Variants in MACROD2 observed in about 807,000 individuals in gnomAD.
MACROD2 encodes the protein mono-ADP ribosylhydrolase 2.
Under a neutral mutation model 70.4 loss-of-function variants are expected in MACROD2, and 36 were observed. That is an observed-to-expected ratio of 0.51 (90% CI 0.39 to 0.68). The LOEUF (loss-of-function observed/expected upper bound fraction) is 0.68, where lower values mean the gene tolerates loss of function less well. MACROD2 is among the 30% of genes least tolerant of loss of function. The probability of loss-of-function intolerance (pLI) is 0.00; values close to 1 mark genes in which losing one functional copy is unlikely to be tolerated. For synonymous variants in MACROD2, 172 were observed against 178.8 expected (o/e 0.96, Z 0.30); for missense variants, 496 against 538.4 (o/e 0.92, Z 0.78).
chr20:14,205,813 T>C (rs1193367311), intron 3 of MACROD2, among the ~76,000 whole-genome samples: 2 of 152,220 alleles, frequency 1.3e-5, no homozygotes, highest in Non-Finnish European at 2.9e-5. Context: ...TTTGAATGGC[T>C]TGCCTCTCTG....
chr20:15,963,994 T>G (rs2066102104), intron 12 of MACROD2, among the ~76,000 whole-genome samples: 1 of 152,210 alleles, frequency 6.6e-6, no homozygotes, highest in African/African-American at 2.4e-5. Context: ...AGTCAGAAGC[T>G]ACATATAAAT....
At chr20:15,717,687 C>T (rs573230895) in intron 8 of MACROD2, among the ~76,000 whole-genome samples, 52 of 152,132 alleles carry the variant, frequency 3.4e-4, no homozygotes, top group Non-Finnish European at 3.2e-4. Flanking sequence ...GAAAGGGTGA[C>T]GTGGATTGTC....
At chr20:16,044,780 T>A in intron 17 of MACROD2, 141 bp downstream of exon 17, 1 of 713,580 alleles carries the variant, frequency 1.4e-6, no homozygotes, top group Non-Finnish European at 2.4e-6. Context: ...TTAAACCAAA[T>A]AACACAGCGT....
intron 5 of MACROD2, among the ~76,000 whole-genome samples, chr20:14,933,590 A>G (rs1170976549): frequency 1.3e-5 from 2 of 151,918 alleles, no homozygotes; most frequent in Admixed American, 6.6e-5. Flanking sequence ...TGATCATGCC[A>G]CTGCACTCCC....
intron 8 of MACROD2, among the ~76,000 whole-genome samples, chr20:15,831,493 G>C (rs774710058): frequency 6.6e-6 from 1 of 152,170 alleles, no homozygotes; most frequent in African/African-American, 2.4e-5. Context: ...GATGTATGCA[G>C]AATGTCTTTG....
intron 11 of MACROD2, among the ~76,000 whole-genome samples, chr20:15,934,492 C>T (rs2065627648): frequency 6.6e-6 from 1 of 151,940 alleles, no homozygotes; most frequent in South Asian, 2.1e-4. Flanking sequence ...GTTATCCAAC[C>T]CTCCCCCACC....
At chr20:15,516,470 G>A (rs543267431) in intron 8 of MACROD2, among the ~76,000 whole-genome samples, 1 of 152,284 alleles carries the variant, frequency 6.6e-6, no homozygotes, top group East Asian at 1.9e-4. Context: ...CTTACGGTCT[G>A]TTGGAGAAAA....
At chr20:15,159,442 CTA>C (rs1403873101) in intron 5 of MACROD2, among the ~76,000 whole-genome samples, 6 of 152,114 alleles carry the variant, frequency 3.9e-5, no homozygotes, top group African/African-American at 1.2e-4. Context: ...ATATGCAACT[CTA>C]TATGTTGATG....
intron 5 of MACROD2, among the ~76,000 whole-genome samples, chr20:15,080,583 G>A (rs765616241): frequency 1.3e-5 from 2 of 151,462 alleles, no homozygotes; most frequent in South Asian, 2.1e-4. Context: ...CTGTATCTTC[G>A]CTTAATGTCT....
At chr20:14,836,514 C>G (rs1007752747) in intron 5 of MACROD2, among the ~76,000 whole-genome samples, 9 of 152,036 alleles carry the variant, frequency 5.9e-5, no homozygotes, top group African/African-American at 2.2e-4. Flanking sequence ...ATGAAGGGCT[C>G]TGCATATGAT....
intron 8 of MACROD2, among the ~76,000 whole-genome samples, chr20:15,584,885 C>A (rs936967470): frequency 2.5e-4 from 38 of 152,342 alleles, no homozygotes; most frequent in Non-Finnish European, 1.9e-4. Flanking sequence ...CCTGTCCATG[C>A]CAGTGACTAT....
intron 7 of MACROD2, among the ~76,000 whole-genome samples, chr20:15,485,598 G>A (rs757487257): frequency 1.3e-5 from 2 of 152,084 alleles, no homozygotes; most frequent in South Asian, 2.1e-4. Flanking sequence ...TTATTAAGAC[G>A]AACAATGATG....
chr20:14,620,784 A>C (rs1302046175), intron 4 of MACROD2, among the ~76,000 whole-genome samples: 1 of 152,194 alleles, frequency 6.6e-6, no homozygotes, highest in East Asian at 1.9e-4. Flanking sequence ...ATCGGAGAGC[A>C]CATGATTTTC....
chr20:14,105,252 G>A (rs2054353871), intron 3 of MACROD2, among the ~76,000 whole-genome samples: 1 of 152,160 alleles, frequency 6.6e-6, no homozygotes, highest in Non-Finnish European at 1.5e-5. Flanking sequence ...GCACTGACGA[G>A]GGTAGGAAAG....
intron 5 of MACROD2, among the ~76,000 whole-genome samples, chr20:14,685,589 A>G (rs1031231729): frequency 2.0e-5 from 3 of 152,198 alleles, no homozygotes; most frequent in Non-Finnish European, 4.4e-5. Context: ...GATTCAACCA[A>G]CTGGGTGGCA....
At chr20:14,625,220 G>A (rs1359275149) in intron 4 of MACROD2, among the ~76,000 whole-genome samples, 1 of 151,964 alleles carries the variant, frequency 6.6e-6, no homozygotes, top group Non-Finnish European at 1.5e-5. Flanking sequence ...CCAGCTACTC[G>A]AGAGGCTCAG....
intron 4 of MACROD2, among the ~76,000 whole-genome samples, chr20:14,668,680 C>A (rs534183278): frequency 6.6e-6 from 1 of 152,174 alleles, no homozygotes; most frequent in Non-Finnish European, 1.5e-5. Context: ...TTTAGTTATA[C>A]AAATCACATG....
intron 13 of MACROD2, among the ~76,000 whole-genome samples, chr20:15,986,182 T>C (rs186995893): frequency 1.5e-3 from 223 of 152,332 alleles, no homozygotes; most frequent in Middle Eastern, 6.8e-3. Context: ...CTTGTTTTTC[T>C]CTCAAAACAG....
At chr20:14,359,547 T>C (rs1568575925) in intron 3 of MACROD2, among the ~76,000 whole-genome samples, 1 of 152,216 alleles carries the variant, frequency 6.6e-6, no homozygotes, top group Non-Finnish European at 1.5e-5. Flanking sequence ...AGCCAAGATA[T>C]GGAATCAACC....
Sources: gnomAD v4.1 joint callset for allele counts (sites outside exome capture counted in the v4.1 genomes callset) on GRCh38, gnomAD v4.1.1 for gene constraint, MANE v1.5 for transcripts, NCBI Gene and HGNC (gene_info 2026-07-23, HGNC 2026-07-21) for gene names.